Variants in STON1 observed in about 807,000 individuals in gnomAD.
STON1 encodes stonin 1.
In STON1, 79 loss-of-function variants were observed where a neutral mutation model predicts 60.9. That is an observed-to-expected ratio of 1.30 (90% CI 1.08 to 1.56). The LOEUF (loss-of-function observed/expected upper bound fraction) is 1.56, where lower values mean the gene tolerates loss of function less well. Among genes scored for constraint, STON1 ranks in the 40% most tolerant of loss-of-function variants. STON1 has a pLI of 0.00. For missense variants in STON1, 1,166 were observed against 858.9 expected, an observed-to-expected ratio of 1.36 and a Z score of -4.47; for synonymous variants, 363 against 306.9, an observed-to-expected ratio of 1.18 and a Z score of -1.91.
chr2:48,538,379 G>C (rs944468587), intron 1 of STON1, among the ~76,000 whole-genome samples: 3 of 152,122 alleles, frequency 2.0e-5, no homozygotes, highest in Admixed American at 6.5e-5. Flanking sequence ...CAAGTTTTTG[G>C]TGATTCAGTT....
rs1392525752 is a variant in STON1 at position 48,555,068 on chromosome 2, C to T, written c.-48+24852C>T. ...GTAAGGTCACAGATCAACAGGATCC[C>T]AAGACAGAGGAATTTTTCTTAGTGC... On this transcript the variant is annotated intron_variant, in intron 1 of 3. Coordinates refer to ENST00000404752, the MANE Select transcript of STON1 (RefSeq NM_006873.4). 3.3e-4 allele frequency among the ~76,000 whole-genome samples: 20 copies of T among 61,038 alleles called. 3 individuals carry two copies. The highest frequency in any genetic ancestry group is 2.2e-4 in the Non-Finnish European group (7 of 31,180). The allele number at this position is 61,038 out of a possible 152,430, so 40.0% of individuals were successfully genotyped here.
intron 1 of STON1, among the ~76,000 whole-genome samples, chr2:48,542,976 T>C (rs1671715743): frequency 6.7e-6 from 1 of 149,976 alleles, no homozygotes; most frequent in African/African-American, 2.4e-5. Context: ...CTTGACTTTT[T>C]TTTTTTTTTT....
intron 1 of STON1, among the ~76,000 whole-genome samples, chr2:48,569,485 A>G (rs892043017): frequency 1.3e-5 from 2 of 152,234 alleles, no homozygotes; most frequent in African/African-American, 4.8e-5. Context: ...TAATTTGTGG[A>G]AAAGTGAAAA....
intron 1 of STON1, among the ~76,000 whole-genome samples, chr2:48,535,762 T>C (rs1671400350): frequency 1.3e-5 from 2 of 152,162 alleles, no homozygotes; most frequent in South Asian, 4.1e-4. Context: ...AATTTTATCC[T>C]ACCCAGCAGT....
intron 1 of STON1, among the ~76,000 whole-genome samples, chr2:48,559,661 G>A (rs967996734): frequency 1.3e-5 from 2 of 152,192 alleles, no homozygotes; most frequent in Admixed American, 6.5e-5. Flanking sequence ...CTTGCTCCAT[G>A]TCACTGCTAG....
chr2:48,570,843 GTTTTTTTTTTTTTTTTT>G (rs70946811), intron 1 of STON1, among the ~76,000 whole-genome samples: 1 of 77,100 alleles, frequency 1.3e-5, no homozygotes. Context: ...CTGTCTCTGA[GTTTTTTTTTTTTTTTTT>G]TTTTTTTTTT....
At chr2:48,577,053 CA>C (rs55808207) in intron 1 of STON1, among the ~76,000 whole-genome samples, 41 of 139,876 alleles carry the variant, frequency 2.9e-4, no homozygotes, top group Non-Finnish European at 3.9e-4. Context: ...GATTCCATCT[CA>C]AAAAAAAAAA....
chr2:48,594,587 T>A (rs1001875409), intron 3 of STON1, among the ~76,000 whole-genome samples: 8 of 151,996 alleles, frequency 5.3e-5, no homozygotes, highest in Non-Finnish European at 1.2e-4. Flanking sequence ...AAATATGATT[T>A]CAACTAATAA....
chr2:48,555,445 G>A (rs1672301670), intron 1 of STON1, among the ~76,000 whole-genome samples: 1 of 98,770 alleles, frequency 1.0e-5, no homozygotes, highest in African/African-American at 3.8e-5. Flanking sequence ...GGCCGGGCAG[G>A]GGGGCTGACC....
intron 1 of STON1, among the ~76,000 whole-genome samples, chr2:48,566,573 G>A (rs1558609837): frequency 2.6e-5 from 4 of 152,266 alleles, no homozygotes; most frequent in South Asian, 2.1e-4. Context: ...GTGAGCCACC[G>A]CACCCGACCT....
intron 3 of STON1, among the ~76,000 whole-genome samples, chr2:48,592,296 C>A (rs1281045424): frequency 6.6e-6 from 1 of 151,998 alleles, no homozygotes; most frequent in African/African-American, 2.4e-5. Flanking sequence ...TTAGTTAACC[C>A]AGTTTTTCCC....
intron 3 of STON1, among the ~76,000 whole-genome samples, chr2:48,593,796 G>C (rs990495132): frequency 6.6e-5 from 10 of 152,086 alleles, no homozygotes; most frequent in Non-Finnish European, 1.2e-4. Context: ...CTTTATTTTG[G>C]ACTATCTGTT....
rs1270591354 is a variant in STON1, at chr2:48,557,646, T to C, written c.-47-22941T>C. Among the ~76,000 whole-genome samples, 13 of 72,940 alleles carry C rather than the reference T, an allele frequency of 1.8e-4. 2 individuals are homozygous for C. Among genetic ancestry groups the C allele is most frequent in the Non-Finnish European group, 3.6e-4 (12 of 32,950 alleles). 47.9% of individuals were successfully genotyped at this position (72,940 alleles called of 152,430 possible). On this transcript the variant is annotated intron_variant, in intron 1 of 3. Transcript: ENST00000404752. ...CCACTGCACTCCAGCCTGGGCACCA[T>C]TGAGCACTGAGTGAACGAGACTCCG...
In STON1 at chr2:48,582,298, G is replaced by T. The variant is rs1169309220; in HGVS notation, c.1665G>T (p.Arg555Ser). ...TCAACATGGCCTCATTGGCGCAGAGGTCATCCTATGCTGGTTCCTTAAGGT... is the reference window on the plus strand; with the variant it reads ...TCAACATGGCCTCATTGGCGCAGAGTTCATCCTATGCTGGTTCCTTAAGGT... The part of the protein sequence containing the change: ...AFVNMASLAQ[R>S]SSYAGSLRSC... The change falls in exon 2 of 4, where the codon AGG becomes AGT. Residue 555 changes from arginine to serine, a missense_variant. Arg to Ser is a moderately radical substitution (Grantham distance 110). Coordinates refer to ENST00000404752, the MANE Select transcript of STON1 (RefSeq NM_006873.4). 5 of 1,614,096 alleles carry T rather than the reference G, an allele frequency of 3.1e-6. No homozygotes were observed. In the Admixed American group the frequency reaches 8.3e-5, roughly 27 times the overall value.
At chr2:48,566,967 G>A (rs1672974672) in intron 1 of STON1, among the ~76,000 whole-genome samples, 1 of 151,968 alleles carries the variant, frequency 6.6e-6, no homozygotes, top group Non-Finnish European at 1.5e-5. Flanking sequence ...GAGAATCTAT[G>A]TCACTATTCT....
chr2:48,536,316 G>A (rs1671425085), intron 1 of STON1, among the ~76,000 whole-genome samples: 3 of 152,120 alleles, frequency 2.0e-5, no homozygotes, highest in African/African-American at 7.2e-5. Context: ...GGGAGGCCAA[G>A]GTGGGCAGAT....
chr2:48,590,427 C>A (rs1180235072), intron 2 of STON1, among the ~76,000 whole-genome samples: 1 of 152,104 alleles, frequency 6.6e-6, no homozygotes, highest in East Asian at 1.9e-4. Flanking sequence ...GTGCCTAAAG[C>A]TATATTCTGA....
intron 1 of STON1, among the ~76,000 whole-genome samples, chr2:48,553,719 C>G (rs1236948106): frequency 6.6e-6 from 1 of 152,126 alleles, no homozygotes; most frequent in Non-Finnish European, 1.5e-5. Context: ...AACTCCTGAT[C>G]TCAAGTGATG....
At chr2:48,564,405 GTCT>G (rs1241898892) in intron 1 of STON1, among the ~76,000 whole-genome samples, 1,295 of 82,906 alleles carry the variant, frequency 0.016, 20 homozygotes, top group East Asian at 0.027. Context: ...CAGTGGCGGT[GTCT>G]TCTTCTTCTT....
Sources: gnomAD v4.1 joint callset for allele counts (sites outside exome capture counted in the v4.1 genomes callset) on GRCh38, gnomAD v4.1.1 for gene constraint, MANE v1.5 for transcripts, NCBI Gene and HGNC (gene_info 2026-07-23, HGNC 2026-07-21) for gene names.